The following SZT2 variants were observed in gnomAD, a reference collection of about 807,000 sequenced individuals.
SZT2 encodes KICSTOR complex protein SZT2.
Under a neutral mutation model 404.2 loss-of-function variants are expected in SZT2, and 216 were observed. The observed-to-expected ratio is 0.53, with a 90% CI of 0.48 to 0.60. The LOEUF (loss-of-function observed/expected upper bound fraction) is 0.60, where lower values mean the gene tolerates loss of function less well. Among genes scored for constraint, SZT2 ranks in the 20% least tolerant of loss-of-function variants. The pLI is 0.00. For missense variants in SZT2, 3,857 were observed against 4,459.2 expected (o/e 0.86, Z 3.85); for synonymous variants, 1,693 against 1,749.9 (o/e 0.97, Z 0.81).
chr1:43,391,934 A>T (rs1648403884), intron 1 of SZT2, among the ~76,000 whole-genome samples: 1 of 69,170 alleles, frequency 1.4e-5, no homozygotes. Flanking sequence ...AATACAAAAA[A>T]TTAGCTGGGC....
rs1184389564 is a variant in SZT2 at position 43,422,180 on chromosome 1, G to A, written c.1724G>A (p.Arg575Gln). Residue 575 changes from arginine (R) to glutamine (Q), a missense_variant, in exon 12 of 72, where the codon CGA becomes CAA. Arg to Gln is a conservative substitution (Grantham distance 43). This residue lies in a region of SZT2 where 1,725 missense variants were observed against 1,881.0 expected (regional missense o/e 0.92). Coordinates refer to ENST00000634258, the MANE Select transcript of SZT2 (RefSeq NM_001365999.1). ...VLSMDANSWQ[R>Q]WLHMHRLVLI... ...TCCATGGATGCAAATTCCTGGCAGC[G>A]ATGGCTGCACATGCATCGCCTGGTG... The A allele has an allele frequency of 6.9e-6, 11 of 1,596,472 alleles. No individual in the cohort carries two copies. Among genetic ancestry groups the A allele is most frequent in the Non-Finnish European group, 7.6e-6 (9 of 1,178,580 alleles).
chr1:43,438,028 A>G lies in SZT2; in HGVS notation c.6508+126A>G, dbSNP rs1023517347. The G allele has an allele frequency of 1.4e-5, 13 of 903,696 alleles. No individual in the cohort carries two copies. In the African/African-American group the frequency reaches 2.0e-4, roughly 14 times the overall value. The allele number at this position is 903,696 out of a possible 1,614,324, so 56.0% of individuals were successfully genotyped here. A position where few individuals can be genotyped will look rare whatever the true frequency, so the allele number is the denominator to read the frequency against. ...ACAGTCTCAGCCCAAGACCTGACAC[A>G]TGTTAAGTGAGCCATAAATACTAGC... On this transcript the variant is annotated intron_variant, in intron 46 of 71. Transcript: ENST00000634258.
chr1:43,426,912 C>A lies in SZT2; in HGVS notation c.3309+103C>A. On this transcript the variant is annotated intron_variant, in intron 23 of 71. Coordinates refer to ENST00000634258, the MANE Select transcript of SZT2 (RefSeq NM_001365999.1). The surrounding 1 kb of genome is among the most constrained non-coding windows in gnomAD (Gnocchi z 4.9). The stretch of plus-strand genomic sequence containing the variant: ...TACCGCCCTTGAGACTAAATGGCAT[C>A]TGCCAATGACACAATGCCGTCATTT... 1 of 1,541,418 alleles carries A rather than the reference C, an allele frequency of 6.5e-7. No individual in the cohort carries two copies. The highest frequency in any genetic ancestry group is 1.4e-5 in the African/African-American group (1 of 73,446).
At chr1:43,435,122 C>A in intron 41 of SZT2, 78 bp from the exon 42 acceptor site, 1 of 1,520,666 alleles carries the variant, frequency 6.6e-7, no homozygotes, top group South Asian at 1.2e-5. Context: ...TTCTCTCTGG[C>A]ATTTGATCAC....
At chr1:43,428,977 C>T (rs996441428) in intron 28 of SZT2, 6 of 165,656 alleles carry the variant, frequency 3.6e-5, no homozygotes, top group African/African-American at 1.4e-4. Context: ...AGTGTGTTAG[C>T]GTTGGGGAAA....
At position 43,403,036 on chromosome 1, in the gene SZT2, G is replaced by A. The variant is rs1009848245; in HGVS notation, c.28-141G>A. The A allele has an allele frequency of 3.4e-5, 29 of 853,934 alleles. No homozygotes were observed. The South Asian group carries it at 3.9e-4, about 12-fold the overall frequency. 52.9% of individuals were successfully genotyped at this position (853,934 alleles called of 1,614,324 possible). On this transcript the variant is annotated intron_variant, in intron 1 of 71. Transcript: ENST00000634258. ...CTCCCTGGGAACACCTTGCATGGAG[G>A]TTGGGGTAAACTTTTCACTTCTGCT...
At chr1:43,412,761 C>A (rs1194630430) in intron 4 of SZT2, 3 of 151,616 alleles carry the variant, frequency 2.0e-5, no homozygotes, top group African/African-American at 7.3e-5. Context: ...GATTAATTAC[C>A]AGAATATATA....
chr1:43,414,468 C>T (rs1194828238), intron 4 of SZT2, among the ~76,000 whole-genome samples: 1 of 151,986 alleles, frequency 6.6e-6, no homozygotes, highest in Non-Finnish European at 1.5e-5. Flanking sequence ...GTAGCCCAGG[C>T]TGGAGTGCAG....
At position 43,425,958 on chromosome 1, in the gene SZT2, G is replaced by A. The variant is rs114863461; in HGVS notation, c.2929+9G>A. 2.5e-3 allele frequency: 4,063 copies of A among 1,613,792 alleles called. 88 individuals are homozygous for A. In the African/African-American group the frequency reaches 0.048, roughly 19 times the overall value. On this transcript the variant is annotated intron_variant, in intron 20 of 71. Transcript: ENST00000634258. The surrounding 1 kb of genome is among the most constrained non-coding windows in gnomAD (Gnocchi z 4.3). ...GCCGAGGGTCTCTGATGGTGAGTGG[G>A]GCAGGCGGCCCACTGGTGGAGCAGG...
Position 43,430,300 on chromosome 1 carries a change from C to A in SZT2, c.4402-11C>A, listed in dbSNP as rs1196863549. The A allele has an allele frequency of 6.2e-7, 1 of 1,613,806 alleles. No homozygotes were observed. The highest frequency in any genetic ancestry group is 8.5e-7 in the Non-Finnish European group (1 of 1,179,896). ...TCTTGCCTCATCATCTTGCTTCATTCTTTTGCCTAGGATGAGGGGCCTCGG... is the reference window on the plus strand; with the variant it reads ...TCTTGCCTCATCATCTTGCTTCATTATTTTGCCTAGGATGAGGGGCCTCGG... On this transcript the variant is annotated splice_polypyrimidine_tract_variant and intron_variant, in intron 30 of 71. Coordinates refer to ENST00000634258, the MANE Select transcript of SZT2 (RefSeq NM_001365999.1).
chr1:43,449,771 T>C (rs971783571), intron 70 of SZT2: 1 of 434,330 alleles, frequency 2.3e-6, no homozygotes, highest in Non-Finnish European at 4.3e-6. Context: ...ATCCCAGGGG[T>C]GGTCAGAGAG....
At chr1:43,404,207 T>G (rs1442846906) in intron 3 of SZT2, 173 bp from the exon 4 acceptor site, 3 of 608,986 alleles carry the variant, frequency 4.9e-6, no homozygotes, top group Non-Finnish European at 8.5e-6. Context: ...ACCCTGGTTT[T>G]GTTGTTTTTG....
In SZT2 at chr1:43,437,048, C is replaced by A; in HGVS notation, c.6035-123C>A. On this transcript the variant is annotated intron_variant, in intron 42 of 71. Transcript: ENST00000634258. The surrounding 1 kb of genome is among the most constrained non-coding windows in gnomAD (Gnocchi z 5.3). ...GTGTTACCCAGAATGATCATCATTT[C>A]TCTGCAATAGTCAGGGATGAGTCTG... 7.8e-7 allele frequency: 1 copy of A among 1,289,076 alleles called. No homozygotes were observed. The highest frequency in any genetic ancestry group is 1.1e-6 in the Non-Finnish European group (1 of 926,426). 79.9% of individuals were successfully genotyped at this position (1,289,076 alleles called of 1,614,324 possible).
At position 43,426,111 on chromosome 1, in the gene SZT2, G is replaced by C; in HGVS notation, c.3003G>C (p.Gln1001His). ...FHFDLMGLLP[Q>H]CQQLQMFFLL... ...TTGACCTAATGGGATTGCTGCCACA[G>C]TGCCAGCAGCTCCAGATGTTCTTCC... The change falls in exon 21 of 72, where the codon CAG (glutamine) becomes CAC (histidine). Residue 1001 changes from glutamine (Q) to histidine (H), a missense_variant. Coordinates refer to ENST00000634258, the MANE Select transcript of SZT2 (RefSeq NM_001365999.1). The surrounding 1 kb of genome is among the most constrained non-coding windows in gnomAD (Gnocchi z 4.9). 1 of 1,614,178 alleles carries C rather than the reference G, an allele frequency of 6.2e-7. No individual in the cohort carries two copies. Among genetic ancestry groups the C allele is most frequent in the South Asian group, 1.1e-5 (1 of 91,078 alleles).
At position 43,453,640 on chromosome 1, in the gene SZT2, C is replaced by A. The variant is rs1456631721; in HGVS notation, c.*3160C>A. ...ACAAGCCGCAGCCCCGCTTCTCGCG[C>A]GGCGCGCGCCAGCGCCTCAGGCGTC... On this transcript the variant is annotated 3_prime_UTR_variant, in exon 72 of 72. Transcript: ENST00000634258. 6.7e-7 allele frequency: 1 copy of A among 1,491,488 alleles called. No individual in the cohort carries two copies. The allele number at this position is 1,491,488 out of a possible 1,614,324, so 92.4% of individuals were successfully genotyped here.
At chr1:43,423,454 TG>T (rs1652683063) in intron 15 of SZT2, 138 bp downstream of exon 15, 2 of 816,650 alleles carry the variant, frequency 2.4e-6, no homozygotes, top group Admixed American at 3.5e-5. Flanking sequence ...GGTACAAAGG[TG>T]TGGAAGGGTG....
At position 43,422,183 on chromosome 1, in the gene SZT2, G is replaced by A. The variant is rs1652442978; in HGVS notation, c.1727G>A (p.Trp576Ter). The A allele has an allele frequency of 2.5e-6, 4 of 1,596,376 alleles. No homozygotes were observed. The highest frequency in any genetic ancestry group is 3.4e-6 in the Non-Finnish European group (4 of 1,178,458). The part of the protein sequence containing the change: ...LSMDANSWQR[W>*]LHMHRLVLIL... ...ATGGATGCAAATTCCTGGCAGCGAT[G>A]GCTGCACATGCATCGCCTGGTGCTA... The change falls in exon 12 of 72, where the codon TGG becomes TAG. Residue 576 changes from tryptophan (W) to a stop codon, truncating the protein, a stop_gained. Coordinates refer to ENST00000634258, the MANE Select transcript of SZT2 (RefSeq NM_001365999.1). LOFTEE classifies it high-confidence loss of function.
In SZT2 at chr1:43,426,591, C is replaced by T; in HGVS notation, c.3214+53C>T. 2.6e-6 allele frequency: 4 copies of T among 1,513,022 alleles called. No homozygotes were observed. Among genetic ancestry groups the T allele is most frequent in the South Asian group, 2.5e-5 (2 of 80,964 alleles). The allele number at this position is 1,513,022 out of a possible 1,614,324, so 93.7% of individuals were successfully genotyped here. A position where few individuals can be genotyped will look rare whatever the true frequency, so the allele number is the denominator to read the frequency against. ...AGACCCTGGCCCAGCCCTTTTCCCC[C>T]ACCCTCACAGGGTGATTTCTGTCTT... On this transcript the variant is annotated intron_variant, in intron 22 of 71. Coordinates refer to ENST00000634258, the MANE Select transcript of SZT2 (RefSeq NM_001365999.1). This position sits in a 1 kb window ranked among gnomAD's most constrained non-coding sequence, Gnocchi z 4.9.
chr1:43,447,048 C>G lies in SZT2; in HGVS notation c.9166C>G (p.Gln3056Glu). Residue 3056 changes from glutamine (Q) to glutamate (E), a missense_variant, in exon 66 of 72, where the codon CAG (glutamine) becomes GAG (glutamate). Physicochemically the swap from Gln to Glu is conservative, Grantham distance 29. This residue lies in a region of SZT2 where 717 missense variants were observed against 868.2 expected (regional missense o/e 0.83). Transcript: ENST00000634258. ...SYDFHLRLVH[Q>E]HVLGAHLVLR... Reference sequence around the variant, plus strand: ...TGACTTCCATCTGCGCCTCGTGCATCAGCACGTGCTAGGTGCCCATCTGGT... The same window carrying G: ...TGACTTCCATCTGCGCCTCGTGCATGAGCACGTGCTAGGTGCCCATCTGGT... 1 of 1,613,956 alleles carries G rather than the reference C, an allele frequency of 6.2e-7. No individual in the cohort carries two copies. The highest frequency in any genetic ancestry group is 1.1e-5 in the South Asian group (1 of 91,076).
Sources: gnomAD v4.1 joint callset for allele counts (sites outside exome capture counted in the v4.1 genomes callset) on GRCh38, gnomAD v4.1.1 for gene constraint, gnomAD v4.1.1 regional missense constraint, Gnocchi (gnomAD v3.1) non-coding constraint, MANE v1.5 for transcripts, NCBI Gene and HGNC (gene_info 2026-07-23, HGNC 2026-07-21) for gene names.